Variants in CRYL1 observed in about 807,000 individuals in gnomAD.
The protein encoded by CRYL1 is crystallin lambda 1.
A neutral mutation model predicts 36.6 loss-of-function variants in CRYL1; 29 were observed. The ratio of observed to expected loss-of-function variants is 0.79; its 90% CI spans 0.59 to 1.08. The LOEUF (loss-of-function observed/expected upper bound fraction) is 1.08, where lower values mean the gene tolerates loss of function less well. Among genes scored for constraint, CRYL1 ranks in the 50% least tolerant of loss-of-function variants. CRYL1 has a pLI of 0.00. For synonymous variants in CRYL1, 152 were observed against 151.5 expected (o/e 1.00, Z -0.02); for missense variants, 411 against 407.9 (o/e 1.01, Z -0.06).
At chr13:20,420,949 G>T (rs2031796110) in intron 5 of CRYL1, among the ~76,000 whole-genome samples, 1 of 151,906 alleles carries the variant, frequency 6.6e-6, no homozygotes, top group Non-Finnish European at 1.5e-5. Context: ...TAGCCAGGAT[G>T]GTCTCGATCT....
At chr13:20,496,097 G>A (rs1397596070) in intron 2 of CRYL1, among the ~76,000 whole-genome samples, 2 of 152,122 alleles carry the variant, frequency 1.3e-5, no homozygotes, top group African/African-American at 2.4e-5. Context: ...CACCTCGCCC[G>A]GCCTAGGATG....
At chr13:20,424,898 T>G (rs2031899312) in intron 5 of CRYL1, among the ~76,000 whole-genome samples, 1 of 152,080 alleles carries the variant, frequency 6.6e-6, no homozygotes. Context: ...CCTAAACTCT[T>G]AGGGTTCAGT....
chr13:20,420,733 G>A (rs1240991997), intron 5 of CRYL1, among the ~76,000 whole-genome samples: 1 of 100,148 alleles, frequency 1.0e-5, no homozygotes, highest in Non-Finnish European at 2.2e-5. Flanking sequence ...GTGTGTGTGT[G>A]TGTGTGTGTG....
Position 20,425,317 on chromosome 13 carries a change from C to T in CRYL1, c.633+6785G>A, listed in dbSNP as rs2137380614. Among the ~76,000 whole-genome samples the T allele has an allele frequency of 6.6e-6, 1 of 152,330 alleles. No individual in the cohort carries two copies. Among genetic ancestry groups the T allele is most frequent in the Non-Finnish European group, 1.5e-5 (1 of 68,040 alleles). On this transcript the variant is annotated intron_variant, in intron 5 of 7. Coordinates refer to ENST00000298248, the MANE Select transcript of CRYL1 (RefSeq NM_015974.3). This position sits in a 1 kb window ranked among gnomAD's most constrained non-coding sequence, Gnocchi z 4.4. ...AACGATGATGGAGCCCAGTTCTGCT[C>T]CTCCTTGGAGTGCCCGCTTTGTGCT...
chr13:20,439,960 A>C, intron 3 of CRYL1: 2 of 486,838 alleles, frequency 4.1e-6, no homozygotes. Flanking sequence ...TCCTCCCCTA[A>C]AGCAAGCCAT....
chr13:20,420,937 G>A (rs1284445933), intron 5 of CRYL1, among the ~76,000 whole-genome samples: 1 of 151,956 alleles, frequency 6.6e-6, no homozygotes, highest in Non-Finnish European at 1.5e-5. Flanking sequence ...ATTTCATTGT[G>A]TTAGCCAGGA....
intron 3 of CRYL1, among the ~76,000 whole-genome samples, chr13:20,475,120 C>A (rs185404020): frequency 2.5e-3 from 385 of 152,308 alleles, no homozygotes; most frequent in Non-Finnish European, 4.1e-3. Flanking sequence ...GGATGGCCAT[C>A]ACCAGGCTAC....
intron 4 of CRYL1, among the ~76,000 whole-genome samples, chr13:20,438,591 C>A (rs533187161): frequency 6.6e-6 from 1 of 152,280 alleles, no homozygotes; most frequent in South Asian, 2.1e-4. Context: ...CAATTCTGCA[C>A]ACCGAGCGTG....
At chr13:20,465,693 C>G (rs191462337) in intron 3 of CRYL1, among the ~76,000 whole-genome samples, 2 of 152,138 alleles carry the variant, frequency 1.3e-5, no homozygotes, top group Non-Finnish European at 2.9e-5. Flanking sequence ...GAAGATCTTC[C>G]TCTTGGCAAA....
chr13:20,467,698 G>A (rs1420276913), intron 3 of CRYL1, among the ~76,000 whole-genome samples: 2 of 152,286 alleles, frequency 1.3e-5, no homozygotes, highest in Middle Eastern at 3.4e-3. Context: ...GCACGCGCCT[G>A]TTGTCCCAGC....
At chr13:20,523,270 C>T (rs1003047735) in intron 1 of CRYL1, among the ~76,000 whole-genome samples, 40 of 152,052 alleles carry the variant, frequency 2.6e-4, no homozygotes, top group Admixed American at 7.2e-4. Flanking sequence ...CAGCCCTAGG[C>T]CCAAAAGAGT....
chr13:20,451,070 G>A (rs930520365), intron 3 of CRYL1, among the ~76,000 whole-genome samples: 1 of 136,162 alleles, frequency 7.3e-6, no homozygotes, highest in Non-Finnish European at 1.6e-5. Context: ...AGGGGTGGGG[G>A]GAGGGGGGAG....
At chr13:20,477,683 TTTAAAAATATA>T (rs899102734) in intron 3 of CRYL1, among the ~76,000 whole-genome samples, 5 of 146,368 alleles carry the variant, frequency 3.4e-5, no homozygotes, top group Non-Finnish European at 7.5e-5. Context: ...TAAAAATATT[TTTAAAAATATA>T]TTAAAAATAT....
intron 3 of CRYL1, among the ~76,000 whole-genome samples, chr13:20,465,289 C>T (rs959198911): frequency 1.3e-5 from 2 of 152,160 alleles, no homozygotes; most frequent in Non-Finnish European, 2.9e-5. Context: ...AACTGAGTCA[C>T]GAAACCTGCA....
chr13:20,433,678 TG>T (rs1455427889), intron 4 of CRYL1: 1 of 154,392 alleles, frequency 6.5e-6, no homozygotes, highest in Non-Finnish European at 1.5e-5. Context: ...TTAGAAGAAC[TG>T]GAAGTGTGTC....
rs1224086582 is a variant in CRYL1 at position 20,456,660 on chromosome 13, C to T, written c.277-16906G>A. ...CACAAAGACCACGATTCTTAAAACA[C>T]ACACACACACACACACACCCCAGAA... On this transcript the variant is annotated intron_variant, in intron 3 of 7. Transcript: ENST00000298248. Among the ~76,000 whole-genome samples, 17 of 148,224 alleles carry T rather than the reference C, an allele frequency of 1.1e-4. 1 individual carries two copies.
intron 2 of CRYL1, among the ~76,000 whole-genome samples, chr13:20,507,717 G>C (rs961300358): frequency 1.3e-5 from 2 of 151,936 alleles, no homozygotes; most frequent in Non-Finnish European, 2.9e-5. Context: ...AGGAGATCGA[G>C]ACCATCCTGG....
intron 5 of CRYL1, chr13:20,431,273 G>A (rs2032053111): frequency 1.0e-6 from 1 of 985,326 alleles, no homozygotes; most frequent in African/African-American, 1.7e-5. Flanking sequence ...GAACTGTGGA[G>A]CCAGGTGCAG....
intron 4 of CRYL1, among the ~76,000 whole-genome samples, chr13:20,438,716 C>A (rs1215360285): frequency 6.6e-6 from 1 of 152,148 alleles, no homozygotes; most frequent in Non-Finnish European, 1.5e-5. Flanking sequence ...TCTCCCTGAT[C>A]CGAACCTCTG....
Sources: gnomAD v4.1 joint callset for allele counts (sites outside exome capture counted in the v4.1 genomes callset) on GRCh38, gnomAD v4.1.1 for gene constraint, Gnocchi (gnomAD v3.1) non-coding constraint, MANE v1.5 for transcripts, NCBI Gene and HGNC (gene_info 2026-07-23, HGNC 2026-07-21) for gene names.